The following MATCAP1 variants were observed in gnomAD, a reference collection of about 807,000 sequenced individuals.
The protein encoded by MATCAP1 is microtubule-associated tyrosine carboxypeptidase 1.
At chr16:67,178,116 G>A in the MATCAP1 span, 1 of 1,609,900 alleles carries the variant, frequency 6.2e-7, no homozygotes. Flanking sequence ...ACCTGGGAGG[G>A]CAGGAGGGCG....
the MATCAP1 span, chr16:67,176,859 G>A: frequency 1.9e-6 from 3 of 1,610,174 alleles, no homozygotes; most frequent in South Asian, 3.3e-5. This position sits in a 1 kb window ranked among gnomAD's most constrained non-coding sequence, Gnocchi z 4.3. Context: ...GCCGGTTGGT[G>A]GCCATGATGT....
At chr16:67,179,446 C>T in the MATCAP1 span, 4 of 1,611,298 alleles carry the variant, frequency 2.5e-6, no homozygotes, top group Non-Finnish European at 1.7e-6. The surrounding 1 kb of genome is among the most constrained non-coding windows in gnomAD (Gnocchi z 5.2). Flanking sequence ...CATGCCGCAG[C>T]ATGCCCTCCA....
chr16:67,179,540 T>C, the MATCAP1 span: 2 of 1,613,044 alleles, frequency 1.2e-6, no homozygotes, highest in Non-Finnish European at 1.7e-6. This position sits in a 1 kb window ranked among gnomAD's most constrained non-coding sequence, Gnocchi z 5.2. Flanking sequence ...GGACAGCAGG[T>C]CCTCACTCAG....
At chr16:67,182,233 C>G in the MATCAP1 span, among the ~76,000 whole-genome samples, 1 of 137,072 alleles carries the variant, frequency 7.3e-6, no homozygotes, top group East Asian at 2.1e-4. Flanking sequence ...TGGGCAACAA[C>G]AGCGAAACTC....
chr16:67,176,740 A>C, the MATCAP1 span: 8 of 1,412,406 alleles, frequency 5.7e-6, no homozygotes, highest in Non-Finnish European at 7.5e-6. This position sits in a 1 kb window ranked among gnomAD's most constrained non-coding sequence, Gnocchi z 4.3. Context: ...GCACAGAGCA[A>C]ACTGCTTCAT....
chr16:67,178,261 G>C, the MATCAP1 span: 3 of 1,566,620 alleles, frequency 1.9e-6, no homozygotes, highest in Non-Finnish European at 1.7e-6. Flanking sequence ...GCGCACATCG[G>C]CGTCCTGCAC....
At chr16:67,180,565 TG>T in the MATCAP1 span, 5 of 1,527,128 alleles carry the variant, frequency 3.3e-6, no homozygotes, top group Admixed American at 2.1e-5. Flanking sequence ...GTAGGCGGGC[TG>T]GGGGGTGCCT....
chr16:67,181,354 C>T, the MATCAP1 span, among the ~76,000 whole-genome samples: 1 of 152,208 alleles, frequency 6.6e-6, no homozygotes, highest in African/African-American at 2.4e-5. Flanking sequence ...CCCAGAATGC[C>T]CTCTCTCCTC....
chr16:67,179,577 GCT>G, the MATCAP1 span: 1 of 1,608,126 alleles, frequency 6.2e-7, no homozygotes, highest in Non-Finnish European at 8.5e-7. The surrounding 1 kb of genome is among the most constrained non-coding windows in gnomAD (Gnocchi z 5.2). Flanking sequence ...AGGTGGCAGT[GCT>G]CTGAGCCATG....
the MATCAP1 span, among the ~76,000 whole-genome samples, chr16:67,177,132 T>C: frequency 1.3e-5 from 2 of 152,166 alleles, no homozygotes; most frequent in African/African-American, 2.4e-5. Flanking sequence ...ACCTCTAGAC[T>C]CAATCCTTCA....
the MATCAP1 span, chr16:67,181,757 G>A: frequency 6.6e-6 from 1 of 152,450 alleles, no homozygotes; most frequent in Non-Finnish European, 1.5e-5. Context: ...CAGCCCCGCT[G>A]CATCTCCCTC....
At chr16:67,182,066 C>T in the MATCAP1 span, among the ~76,000 whole-genome samples, 1 of 152,172 alleles carries the variant, frequency 6.6e-6, no homozygotes, top group African/African-American at 2.4e-5. Context: ...GCCTGACCAA[C>T]ATGGAGAAAC....
the MATCAP1 span, among the ~76,000 whole-genome samples, chr16:67,181,017 G>A: frequency 6.6e-6 from 1 of 152,144 alleles, no homozygotes; most frequent in African/African-American, 2.4e-5. Flanking sequence ...ATGAGCCATC[G>A]CACCCAGCCG....
the MATCAP1 span, chr16:67,177,865 C>T: frequency 8.9e-6 from 6 of 674,198 alleles, no homozygotes; most frequent in African/African-American, 1.1e-4. Flanking sequence ...GTCATTTCAT[C>T]TCCTGTTCTC....
chr16:67,178,604 G>A, the MATCAP1 span: 3,612 of 1,036,526 alleles, frequency 3.5e-3, 95 homozygotes, highest in African/African-American at 0.051. Context: ...GGCTCTGGCC[G>A]CGACACTTCC....
the MATCAP1 span, among the ~76,000 whole-genome samples, chr16:67,182,049 G>A: frequency 6.6e-6 from 1 of 152,138 alleles, no homozygotes; most frequent in Non-Finnish European, 1.5e-5. Flanking sequence ...TCGGGAGTTC[G>A]AGACCAGCCT....
At chr16:67,176,935 A>G in the MATCAP1 span, 1 of 1,599,304 alleles carries the variant, frequency 6.3e-7, no homozygotes. The surrounding 1 kb of genome is among the most constrained non-coding windows in gnomAD (Gnocchi z 4.3). Flanking sequence ...ATTATCCAGC[A>G]CCCCATGGGG....
chr16:67,183,062 C>T, the MATCAP1 span, among the ~76,000 whole-genome samples: 4 of 151,952 alleles, frequency 2.6e-5, no homozygotes, highest in African/African-American at 7.3e-5. Context: ...TCCTTCCCTG[C>T]ACTTTGCTTC....
At chr16:67,178,487 C>A in the MATCAP1 span, 1 of 1,529,486 alleles carries the variant, frequency 6.5e-7, no homozygotes, top group Non-Finnish European at 8.7e-7. Context: ...TTGTTCACGC[C>A]CCGCAGGTAG....
Sources: allele counts gnomAD v4.1 joint callset (sites outside exome capture counted in the v4.1 genomes callset), GRCh38; gene constraint gnomAD v4.1.1; non-coding constraint Gnocchi (gnomAD v3.1); transcripts MANE v1.5; gene names NCBI Gene and HGNC (gene_info 2026-07-23, HGNC 2026-07-21).